The following HACD3 variants were observed in gnomAD, a reference collection of about 807,000 sequenced individuals.
The protein encoded by HACD3 is 3-hydroxyacyl-CoA dehydratase 3, also known as very-long-chain (3R)-3-hydroxyacyl-CoA dehydratase 3.
A neutral mutation model predicts 55.2 loss-of-function variants in HACD3; 30 were observed. The observed-to-expected ratio is 0.54, with a 90% CI of 0.41 to 0.74. The LOEUF (loss-of-function observed/expected upper bound fraction) is 0.74. Among genes scored for constraint, HACD3 ranks in the 30% least tolerant of loss-of-function variants. HACD3 has a pLI of 0.00. For synonymous variants in HACD3, 141 were observed against 151.7 expected (o/e 0.93, Z 0.52); for missense variants, 363 against 440.1 (o/e 0.82, Z 1.57).
chr15:65,575,083 CTT>C (rs2072387741), intron 10 of HACD3, among the ~76,000 whole-genome samples: 1 of 151,686 alleles, frequency 6.6e-6, no homozygotes, highest in African/African-American at 2.4e-5. Flanking sequence ...TGTAGTTGCT[CTT>C]TTCTTATTCT....
At chr15:65,537,174 T>C (rs2071962943) in intron 1 of HACD3, among the ~76,000 whole-genome samples, 2 of 152,190 alleles carry the variant, frequency 1.3e-5, no homozygotes, top group African/African-American at 4.8e-5. Flanking sequence ...AGTTGATTCA[T>C]GAGGCTTAAG....
chr15:65,552,298 T>TA lies in HACD3; in HGVS notation c.130+589dup, dbSNP rs202024474. 1.6e-3 allele frequency among the ~76,000 whole-genome samples: 248 copies of TA among 151,808 alleles called. 2 individuals carry two copies. In the Middle Eastern group the frequency reaches 0.017, roughly 10 times the overall value. Reference sequence around the variant, plus strand: ...ATGATCCAGAATATGCTGCTTTTTTTAAAAAAAAATTATTATGGAAACATA... The same window carrying TA: ...ATGATCCAGAATATGCTGCTTTTTTTAAAAAAAAAATTATTATGGAAACATA... On this transcript the variant is annotated intron_variant, in intron 2 of 10. Coordinates refer to ENST00000261875, the MANE Select transcript of HACD3 (RefSeq NM_016395.4).
At chr15:65,564,073 TTAAG>T (rs1301131495) in intron 6 of HACD3, 138 bp from the exon 7 acceptor site, 4 of 1,059,796 alleles carry the variant, frequency 3.8e-6, no homozygotes, top group Non-Finnish European at 5.6e-6. Context: ...TCCTGCTTAG[TTAAG>T]TAAGAAACTT....
At chr15:65,535,983 C>G in intron 1 of HACD3, 1 of 409,348 alleles carries the variant, frequency 2.4e-6, no homozygotes, top group Non-Finnish European at 4.3e-6. Context: ...AACCACTGTG[C>G]CTAGCCTTGA....
Position 65,551,694 on chromosome 15 carries a change from A to G in HACD3, c.106A>G (p.Thr36Ala), listed in dbSNP as rs1596210351. The G allele has an allele frequency of 6.2e-7, 1 of 1,613,972 alleles. No homozygotes were observed. Among genetic ancestry groups the G allele is most frequent in the Non-Finnish European group, 8.5e-7 (1 of 1,179,878 alleles). Residue 36 changes from threonine to alanine, a missense_variant, in exon 2 of 11, where the codon ACT (threonine) becomes GCT (alanine). By Grantham distance (58) the Thr-to-Ala change is moderately conservative (BLOSUM62 0). Transcript: ENST00000261875. ...SDVQNPAISI[T>A]ENVLHFKAQG... ...TTCACAGAACCCTGCCATCAGCATC[A>G]CTGAAAACGTGCTGCATTTCAAAGG...
intron 3 of HACD3, among the ~76,000 whole-genome samples, chr15:65,555,650 G>A (rs1307685268): frequency 6.6e-6 from 1 of 152,150 alleles, no homozygotes; most frequent in Non-Finnish European, 1.5e-5. Flanking sequence ...ACCTGTCATG[G>A]AGCTTCCTTT....
chr15:65,576,588 T>G lies in HACD3; in HGVS notation c.*209T>G, dbSNP rs1823074388. 1.7e-6 allele frequency: 1 copy of G among 603,428 alleles called. No individual in the cohort carries two copies. The highest frequency in any genetic ancestry group is 2.8e-6 in the Non-Finnish European group (1 of 352,162). 37.4% of individuals were successfully genotyped at this position (603,428 alleles called of 1,614,324 possible). On this transcript the variant is annotated 3_prime_UTR_variant, in exon 11 of 11. Transcript: ENST00000261875. The stretch of plus-strand genomic sequence containing the variant: ...TGGATTCCTGATATCTGATGAGAGG[T>G]TCATTCTTGTGTATTCAGTTAATGA...
intron 1 of HACD3, among the ~76,000 whole-genome samples, chr15:65,532,072 A>G (rs2071906541): frequency 6.6e-6 from 1 of 152,100 alleles, no homozygotes; most frequent in African/African-American, 2.4e-5. Context: ...TCTGGAATAT[A>G]AACAGTTTTC....
intron 10 of HACD3, among the ~76,000 whole-genome samples, chr15:65,575,427 A>G (rs2072391280): frequency 6.6e-6 from 1 of 152,104 alleles, no homozygotes. Context: ...ACCTCAGGTG[A>G]TCCACCCATC....
intron 9 of HACD3, 57 bp from the exon 10 acceptor site, chr15:65,572,178 T>C: frequency 1.3e-6 from 2 of 1,593,046 alleles, no homozygotes; most frequent in South Asian, 1.1e-5. Context: ...TGGAAGTTCC[T>C]GTCATTAAAT....
At chr15:65,541,284 A>G (rs1347114758) in intron 1 of HACD3, among the ~76,000 whole-genome samples, 3 of 152,286 alleles carry the variant, frequency 2.0e-5, no homozygotes, top group East Asian at 1.9e-4. Context: ...TGATGAGGGG[A>G]AAAATGCTGC....
At chr15:65,546,889 T>C (rs1243288242) in intron 1 of HACD3, among the ~76,000 whole-genome samples, 2 of 152,154 alleles carry the variant, frequency 1.3e-5, no homozygotes, top group African/African-American at 4.8e-5. Flanking sequence ...TGGGACTTAG[T>C]ATATAATTGT....
chr15:65,562,635 CCTGGACCAGGTA>C, intron 5 of HACD3, 127 bp from the exon 6 acceptor site: 1 of 1,166,322 alleles, frequency 8.6e-7, no homozygotes, highest in African/African-American at 1.5e-5. Flanking sequence ...CTGGTGAGGA[CCTGGACCAGGTA>C]TTTGTGTGGG....
intron 1 of HACD3, among the ~76,000 whole-genome samples, chr15:65,544,723 T>A (rs1390681099): frequency 6.6e-6 from 1 of 152,040 alleles, no homozygotes; most frequent in Non-Finnish European, 1.5e-5. Flanking sequence ...AATGATTGAA[T>A]TAGAAAATTA....
At chr15:65,558,008 T>G (rs1431960255) in intron 4 of HACD3, among the ~76,000 whole-genome samples, 1 of 151,422 alleles carries the variant, frequency 6.6e-6, no homozygotes, top group Non-Finnish European at 1.5e-5. Context: ...TTATCTTGCA[T>G]GTATGTTTCC....
Position 65,562,784 on chromosome 15 carries a change from C to T in HACD3, c.432C>T (p.Asn144=), listed in dbSNP as rs1189629144. The T allele has an allele frequency of 1.1e-5, 18 of 1,613,612 alleles. No individual in the cohort carries two copies. The highest frequency in any genetic ancestry group is 1.5e-5 in the Non-Finnish European group (18 of 1,179,824). Residue 144 remains asparagine, a synonymous_variant, in exon 6 of 11, where the codon AAC becomes AAT. Transcript: ENST00000261875. The stretch of plus-strand genomic sequence containing the variant: ...TGCTTTGCTTTACAGCTCTTACAAA[C>T]TTAAGGAAAGGATACCTGTTTATGT... ...ESEGSPETLT[N]LRKGYLFMYN...
chr15:65,551,569 G>A, intron 1 of HACD3, 107 bp from the exon 2 acceptor site: 2 of 1,208,438 alleles, frequency 1.7e-6, no homozygotes, highest in Non-Finnish European at 2.5e-6. Flanking sequence ...CACAGAGTAG[G>A]AGTTTGAGTC....
chr15:65,557,461 C>T (rs1188481382), intron 4 of HACD3, among the ~76,000 whole-genome samples: 2 of 145,892 alleles, frequency 1.4e-5, no homozygotes, highest in African/African-American at 5.1e-5. Context: ...GGCAACAGAG[C>T]GAGAGTCTCA....
chr15:65,555,346 C>T (rs74993645), intron 3 of HACD3, among the ~76,000 whole-genome samples: 3,005 of 152,284 alleles, frequency 0.02, 96 homozygotes, highest in African/African-American at 0.067. Context: ...GAAGCCCCCA[C>T]CAGGGGTTAC....
Sources: allele counts gnomAD v4.1 joint callset (sites outside exome capture counted in the v4.1 genomes callset), GRCh38; gene constraint gnomAD v4.1.1; transcripts MANE v1.5; gene names NCBI Gene and HGNC (gene_info 2026-07-23, HGNC 2026-07-21).